The following GALNT13 variants were observed in gnomAD, a reference collection of about 807,000 sequenced individuals.
GALNT13 encodes the protein UDP-GalNAc:polypeptide N-acetylgalactosaminyltransferase 13.
In GALNT13, 28 loss-of-function variants were observed where a neutral mutation model predicts 64.2. The observed-to-expected ratio is 0.44, with a 90% confidence interval of 0.32 to 0.60. The LOEUF is 0.60. Ranked by LOEUF, GALNT13 falls within the 20% of genes least tolerant of loss-of-function variation. The pLI is 0.05. For synonymous variants in GALNT13, 214 were observed against 224.6 expected, an observed-to-expected ratio of 0.95 and a Z score of 0.42; for missense variants, 577 against 669.8, an observed-to-expected ratio of 0.86 and a Z score of 1.53.
the GALNT13 span, among the ~76,000 whole-genome samples, chr2:153,207,169 C>T: frequency 6.6e-6 from 1 of 152,014 alleles, no homozygotes; most frequent in Non-Finnish European, 1.5e-5. Flanking sequence ...TGATTGCCTT[C>T]CTTTCCCCCT....
At chr2:153,396,751 G>A in the GALNT13 span, among the ~76,000 whole-genome samples, 1 of 152,044 alleles carries the variant, frequency 6.6e-6, no homozygotes, top group Non-Finnish European at 1.5e-5. Flanking sequence ...GGGTCAAGTT[G>A]CAATTTTCAC....
chr2:153,343,243 G>C, the GALNT13 span, among the ~76,000 whole-genome samples: 33 of 152,274 alleles, frequency 2.2e-4, no homozygotes, highest in African/African-American at 7.0e-4. Flanking sequence ...TTGTGAGCTA[G>C]TGCTTTTCTG....
At chr2:153,183,880 T>C in the GALNT13 span, among the ~76,000 whole-genome samples, 1 of 152,128 alleles carries the variant, frequency 6.6e-6, no homozygotes, top group African/African-American at 2.4e-5. Context: ...AGGCTTGTAG[T>C]ATATAGTTTG....
the GALNT13 span, among the ~76,000 whole-genome samples, chr2:153,493,422 A>G: frequency 6.6e-6 from 1 of 152,120 alleles, no homozygotes; most frequent in African/African-American, 2.4e-5. Context: ...TGAAATGGAT[A>G]AATTTATTGA....
chr2:153,857,676 AC>A, the GALNT13 span, among the ~76,000 whole-genome samples: 1 of 152,328 alleles, frequency 6.6e-6, no homozygotes, highest in East Asian at 1.9e-4. Context: ...ATTTTTTAAA[AC>A]TTTTTCTTGA....
At chr2:153,106,705 G>GTGAAGA in the GALNT13 span, among the ~76,000 whole-genome samples, 2 of 152,146 alleles carry the variant, frequency 1.3e-5, no homozygotes, top group African/African-American at 4.8e-5. Flanking sequence ...AGGATTAGGA[G>GTGAAGA]TGAAGATGAA....
chr2:153,505,643 C>CTATA, the GALNT13 span, among the ~76,000 whole-genome samples: 4 of 151,272 alleles, frequency 2.6e-5, no homozygotes, highest in African/African-American at 4.9e-5. Context: ...TACTTAATTT[C>CTATA]TATATATATA....
At chr2:153,536,022 G>T in the GALNT13 span, among the ~76,000 whole-genome samples, 140 of 152,290 alleles carry the variant, frequency 9.2e-4, no homozygotes, top group African/African-American at 3.3e-3. Context: ...GGCATGTTGA[G>T]TAAAACTAAT....
At chr2:153,643,017 C>T in the GALNT13 span, among the ~76,000 whole-genome samples, 13 of 151,258 alleles carry the variant, frequency 8.6e-5, no homozygotes, top group African/African-American at 2.2e-4. Context: ...TATTTAAATG[C>T]CACTTAATAT....
chr2:153,628,055 G>T, the GALNT13 span, among the ~76,000 whole-genome samples: 3 of 152,012 alleles, frequency 2.0e-5, no homozygotes. Context: ...TCCTTGAAGC[G>T]GTCCTTCACG....
intron 4 of GALNT13, among the ~76,000 whole-genome samples, chr2:154,166,956 A>G (rs1685063227): frequency 6.6e-6 from 1 of 151,774 alleles, no homozygotes; most frequent in East Asian, 1.9e-4. Flanking sequence ...GAAGGGGAAC[A>G]TCACACACCG....
the GALNT13 span, among the ~76,000 whole-genome samples, chr2:153,177,599 G>A: frequency 1.3e-5 from 2 of 151,874 alleles, no homozygotes; most frequent in African/African-American, 2.4e-5. Flanking sequence ...ATTTTTAATT[G>A]TAAATTGACA....
rs1042753128 is a variant in GALNT13, at chr2:154,443,509, G to T, written c.1530+4783G>T. On this transcript the variant is annotated intron_variant, in intron 12 of 12. Transcript: ENST00000392825. The stretch of plus-strand genomic sequence containing the variant: ...TTATATGTAATAACATAATTGATTG[G>T]GTTTTATTTTAATCTTTTACTATAC... Among the ~76,000 whole-genome samples the T allele has an allele frequency of 6.6e-5, 10 of 151,882 alleles. 1 individual carries two copies. Among genetic ancestry groups the T allele is most frequent in the African/African-American group, 2.4e-4 (10 of 41,464 alleles).
chr2:153,204,008 G>T, the GALNT13 span, among the ~76,000 whole-genome samples: 1 of 152,182 alleles, frequency 6.6e-6, no homozygotes, highest in Non-Finnish European at 1.5e-5. Flanking sequence ...GAGATGAAGA[G>T]ATCAGTATCC....
intron 9 of GALNT13, among the ~76,000 whole-genome samples, chr2:154,353,996 A>G (rs1249266099): frequency 6.6e-6 from 1 of 152,208 alleles, no homozygotes; most frequent in East Asian, 1.9e-4. Flanking sequence ...ACTGACTTCC[A>G]TAATAGCTAC....
the GALNT13 span, among the ~76,000 whole-genome samples, chr2:153,405,513 T>C: frequency 1.3e-5 from 2 of 152,204 alleles, no homozygotes; most frequent in Non-Finnish European, 2.9e-5. Flanking sequence ...GTATCCTCAG[T>C]TGTTAGCTAA....
the GALNT13 span, among the ~76,000 whole-genome samples, chr2:153,803,748 ATCTC>A: frequency 1.3e-5 from 2 of 151,190 alleles, no homozygotes; most frequent in African/African-American, 2.4e-5. Flanking sequence ...AGAGAGATTG[ATCTC>A]TCTCTCCATG....
the GALNT13 span, chr2:153,478,818 G>A: frequency 2.3e-4 from 105 of 447,548 alleles, no homozygotes; most frequent in East Asian, 1.3e-3. Flanking sequence ...CTCGAGGGGG[G>A]GCTGTTGGAA....
chr2:153,267,341 G>A, the GALNT13 span, among the ~76,000 whole-genome samples: 2 of 152,152 alleles, frequency 1.3e-5, no homozygotes, highest in East Asian at 3.9e-4. Context: ...CCCTAGTAGA[G>A]GTTTTCTATA....
Sources: gnomAD v4.1 joint callset for allele counts (sites outside exome capture counted in the v4.1 genomes callset) on GRCh38, gnomAD v4.1.1 for gene constraint, MANE v1.5 for transcripts, NCBI Gene and HGNC (gene_info 2026-07-23, HGNC 2026-07-21) for gene names.